Variants in MAP2K4 observed in about 807,000 individuals in gnomAD.
MAP2K4 encodes mitogen-activated protein kinase kinase 4.
In MAP2K4, 4 loss-of-function variants were observed where a neutral mutation model predicts 48.5. The observed-to-expected ratio is 0.08, with a 90% confidence interval of 0.04 to 0.19. MAP2K4 has a LOEUF of 0.19. MAP2K4 is among the 10% of genes least tolerant of loss of function. MAP2K4 has a pLI of 1.00. For missense variants in MAP2K4, 258 were observed against 493.3 expected, an observed-to-expected ratio of 0.52 and a Z score of 4.52; for synonymous variants, 166 against 173.1, an observed-to-expected ratio of 0.96 and a Z score of 0.32.
intron 1 of MAP2K4, among the ~76,000 whole-genome samples, chr17:12,032,520 T>G (rs941941074): frequency 1.3e-5 from 2 of 152,100 alleles, no homozygotes; most frequent in Non-Finnish European, 2.9e-5. Flanking sequence ...GTATAGGTAT[T>G]TAGATGTATA....
chr17:12,046,943 G>A (rs552601454), intron 1 of MAP2K4, among the ~76,000 whole-genome samples: 1 of 152,222 alleles, frequency 6.6e-6, no homozygotes, highest in South Asian at 2.1e-4. Flanking sequence ...TACATAGTAA[G>A]AGGTAGTCTA....
intron 1 of MAP2K4, among the ~76,000 whole-genome samples, chr17:12,024,977 G>T (rs55648538): frequency 0.041 from 6,203 of 152,238 alleles, 219 homozygotes; most frequent in East Asian, 0.18. Flanking sequence ...AGTATGGTTG[G>T]CATGTTAGAG....
chr17:12,037,597 C>T (rs2151514000), intron 1 of MAP2K4, among the ~76,000 whole-genome samples: 1 of 151,014 alleles, frequency 6.6e-6, no homozygotes, highest in Middle Eastern at 3.4e-3. Context: ...ATGTCATTTA[C>T]TGCTCTTGGA....
intron 10 of MAP2K4, among the ~76,000 whole-genome samples, chr17:12,140,467 A>G (rs1045973518): frequency 4.6e-5 from 7 of 152,198 alleles, no homozygotes; most frequent in African/African-American, 1.4e-4. Context: ...ATCACAGTCC[A>G]CCAATGACTG....
In MAP2K4 at chr17:12,027,484, TACACAC is replaced by T. The variant is rs149452854; in HGVS notation, c.115+6493_115+6498del. Among the ~76,000 whole-genome samples the T allele has an allele frequency of 2.7e-5, 4 of 150,762 alleles. No homozygotes were observed. The South Asian group carries it at 6.3e-4, about 24-fold the overall frequency. ...GTTGCCAGACATATATATCTGAACA[TACACAC>T]ACACACACAGACACCAAATTGTTCA... On this transcript the variant is annotated intron_variant, in intron 1 of 10. Coordinates refer to ENST00000353533, the MANE Select transcript of MAP2K4 (RefSeq NM_003010.4).
chr17:12,023,182 C>T (rs761886679), intron 1 of MAP2K4, among the ~76,000 whole-genome samples: 1 of 152,074 alleles, frequency 6.6e-6, no homozygotes, highest in Non-Finnish European at 1.5e-5. Context: ...AAACTTTTTT[C>T]ATTAGTCAGA....
intron 1 of MAP2K4, among the ~76,000 whole-genome samples, chr17:12,053,256 C>T (rs1321461372): frequency 6.6e-6 from 1 of 151,994 alleles, no homozygotes; most frequent in South Asian, 2.1e-4. Flanking sequence ...AGTGATTCTT[C>T]TACCTAGCCA....
intron 1 of MAP2K4, 90 bp from the exon 2 acceptor site, chr17:12,054,799 C>T: frequency 1.4e-6 from 1 of 723,492 alleles, no homozygotes; most frequent in Non-Finnish European, 2.4e-6. Flanking sequence ...AGCAAGTTCT[C>T]TTGCCTTTTG....
At chr17:12,077,030 C>T (rs1286779488) in intron 2 of MAP2K4, among the ~76,000 whole-genome samples, 1 of 152,106 alleles carries the variant, frequency 6.6e-6, no homozygotes, top group Non-Finnish European at 1.5e-5. Context: ...AGGCAGGATG[C>T]TTTACTGAAT....
At chr17:12,127,575 T>A (rs1972892844) in intron 8 of MAP2K4, among the ~76,000 whole-genome samples, 1 of 152,100 alleles carries the variant, frequency 6.6e-6, no homozygotes, top group African/African-American at 2.4e-5. Flanking sequence ...GTTCATAATT[T>A]ATTTTTCATA....
rs113013354 is a variant in MAP2K4, at chr17:12,105,034, T to G, written c.514-2756T>G. The stretch of plus-strand genomic sequence containing the variant: ...TTGTTAACTTCTGTCATATATCAGA[T>G]TTCTGTCTGTGCATGAACTTTTGCA... On this transcript the variant is annotated intron_variant, in intron 4 of 10. Transcript: ENST00000353533. 2.8e-4 allele frequency among the ~76,000 whole-genome samples: 43 copies of G among 152,298 alleles called. 1 individual carries two copies. Among genetic ancestry groups the G allele is most frequent in the African/African-American group, 1.0e-3 (42 of 41,572 alleles).
At chr17:12,120,153 T>G (rs1447922261) in intron 7 of MAP2K4, among the ~76,000 whole-genome samples, 1 of 151,942 alleles carries the variant, frequency 6.6e-6, no homozygotes, top group African/African-American at 2.4e-5. Flanking sequence ...GGGCCTAAAG[T>G]AAAAGTTTAA....
rs1406175735 is a variant in MAP2K4, at chr17:12,095,381, G to T, written c.394-194G>T. On this transcript the variant is annotated intron_variant, in intron 3 of 10. Coordinates refer to ENST00000353533, the MANE Select transcript of MAP2K4 (RefSeq NM_003010.4). ...CTCCTTTAAAGGATTTCTAAGTGCT[G>T]TTTGTTAAACTTTCTGTGATTAAAG... 9.4e-6 allele frequency: 6 copies of T among 638,448 alleles called. No individual in the cohort carries two copies. In the Admixed American group the frequency reaches 1.3e-4, roughly 13 times the overall value. The allele number at this position is 638,448 out of a possible 1,614,324, so 39.5% of individuals were successfully genotyped here.
At chr17:12,050,838 A>G (rs1045547891) in intron 1 of MAP2K4, among the ~76,000 whole-genome samples, 4 of 152,198 alleles carry the variant, frequency 2.6e-5, no homozygotes, top group African/African-American at 7.2e-5. Context: ...GACAAAGGGT[A>G]TTCCTAGGCC....
chr17:12,054,753 C>T (rs1181498835), intron 1 of MAP2K4, 136 bp from the exon 2 acceptor site: 4 of 500,468 alleles, frequency 8.0e-6, no homozygotes, highest in South Asian at 4.1e-5. Flanking sequence ...TCCTCATTGC[C>T]TTTCAAAATA....
Position 12,068,432 on chromosome 17 carries a change from C to T in MAP2K4, c.219-12924C>T, listed in dbSNP as rs188933835. On this transcript the variant is annotated intron_variant, in intron 2 of 10. Transcript: ENST00000353533. ...TAAAACTATGGTAATGTAGGTAAAGCGTAATAGTCACCTATCATGACTTCA... is the reference window on the plus strand; with the variant it reads ...TAAAACTATGGTAATGTAGGTAAAGTGTAATAGTCACCTATCATGACTTCA... 2.4e-4 allele frequency among the ~76,000 whole-genome samples: 37 copies of T among 152,084 alleles called. 1 individual carries two copies. Among genetic ancestry groups the T allele is most frequent in the Admixed American group, 1.8e-3 (27 of 15,280 alleles).
chr17:12,072,033 G>A (rs749187936), intron 2 of MAP2K4, among the ~76,000 whole-genome samples: 1 of 152,108 alleles, frequency 6.6e-6, no homozygotes, highest in Non-Finnish European at 1.5e-5. Context: ...AGTAGGCAAG[G>A]GATTCCAATG....
At chr17:12,041,456 TTGG>T (rs1969778402) in intron 1 of MAP2K4, among the ~76,000 whole-genome samples, 1 of 152,176 alleles carries the variant, frequency 6.6e-6, no homozygotes, top group South Asian at 2.1e-4. Flanking sequence ...AAATGGAAAG[TTGG>T]TGGAGTATAC....
At chr17:12,060,479 C>T (rs1217451085) in intron 2 of MAP2K4, among the ~76,000 whole-genome samples, 2 of 152,246 alleles carry the variant, frequency 1.3e-5, no homozygotes, top group South Asian at 2.1e-4. Flanking sequence ...AGTTTTGTAG[C>T]GTTGTCTGCC....
Sources: allele counts gnomAD v4.1 joint callset (sites outside exome capture counted in the v4.1 genomes callset), GRCh38; gene constraint gnomAD v4.1.1; transcripts MANE v1.5; gene names NCBI Gene and HGNC (gene_info 2026-07-23, HGNC 2026-07-21).